The following CDKAL1 variants were observed in gnomAD, a reference collection of about 807,000 sequenced individuals.
The protein encoded by CDKAL1 is threonylcarbamoyladenosine tRNA methylthiotransferase.
CDKAL1 carries 32 observed loss-of-function variants against 68.2 expected under a neutral mutation model. That is an observed-to-expected ratio of 0.47 (90% CI 0.35 to 0.63). The LOEUF is 0.63. Ranked by LOEUF, CDKAL1 falls within the 30% of genes least tolerant of loss-of-function variation. The pLI, the probability that CDKAL1 is intolerant of heterozygous loss-of-function variation, is 0.00. For synonymous variants in CDKAL1, 234 were observed against 244.3 expected (o/e 0.96, Z 0.39); for missense variants, 606 against 696.7 (o/e 0.87, Z 1.47).
At chr6:20,849,411 G>A (rs1165690487) in intron 9 of CDKAL1, among the ~76,000 whole-genome samples, 7 of 151,818 alleles carry the variant, frequency 4.6e-5, no homozygotes, top group Non-Finnish European at 8.8e-5. Context: ...GTAAAACCCC[G>A]TCTCTACTAA....
chr6:21,217,993 A>G (rs1779404328), intron 15 of CDKAL1, among the ~76,000 whole-genome samples: 1 of 152,218 alleles, frequency 6.6e-6, no homozygotes, highest in African/African-American at 2.4e-5. Flanking sequence ...GCAGCTTGTT[A>G]ACCTCTCTGG....
intron 9 of CDKAL1, among the ~76,000 whole-genome samples, chr6:20,903,111 A>T (rs771576040): frequency 6.6e-5 from 10 of 152,134 alleles, no homozygotes; most frequent in Non-Finnish European, 1.3e-4. Flanking sequence ...TATTCACCAA[A>T]AATTGATGCC....
At position 20,980,242 on chromosome 6, in the gene CDKAL1, T is replaced by C. The variant is rs144226946; in HGVS notation, c.910-19985T>C. Among the ~76,000 whole-genome samples the C allele has an allele frequency of 4.0e-3, 604 of 152,124 alleles. 7 individuals are homozygous for C. Among genetic ancestry groups the C allele is most frequent in the African/African-American group, 0.013 (553 of 41,490 alleles). The stretch of plus-strand genomic sequence containing the variant: ...ATAGATATAGATATAGATATATAGA[T>C]ATAGATTTTTTTTGAGACGCAGTCT... On this transcript the variant is annotated intron_variant, in intron 10 of 15. Coordinates refer to ENST00000274695, the MANE Select transcript of CDKAL1 (RefSeq NM_017774.3).
chr6:20,871,372 A>G (rs1417276455), intron 9 of CDKAL1, among the ~76,000 whole-genome samples: 1 of 152,200 alleles, frequency 6.6e-6, no homozygotes, highest in Non-Finnish European at 1.5e-5. Flanking sequence ...ATAATTTCTC[A>G]TGGGTGAAAT....
At chr6:20,757,874 C>CT (rs1774291480) in intron 6 of CDKAL1, among the ~76,000 whole-genome samples, 2 of 151,884 alleles carry the variant, frequency 1.3e-5, no homozygotes, top group East Asian at 1.9e-4. Flanking sequence ...TATTACTTTG[C>CT]TTTTTTTCAT....
intron 4 of CDKAL1, among the ~76,000 whole-genome samples, chr6:20,641,904 C>T (rs1274405507): frequency 6.6e-6 from 1 of 152,108 alleles, no homozygotes; most frequent in Non-Finnish European, 1.5e-5. Flanking sequence ...GAAATTCTGA[C>T]GTGCATATAT....
intron 4 of CDKAL1, among the ~76,000 whole-genome samples, chr6:20,562,157 CT>C (rs981680632): frequency 2.6e-5 from 4 of 152,046 alleles, no homozygotes; most frequent in African/African-American, 9.7e-5. Flanking sequence ...GAGAGATTAT[CT>C]TGGAGTATTA....
chr6:20,994,800 G>T (rs929297158), intron 10 of CDKAL1, among the ~76,000 whole-genome samples: 1 of 152,174 alleles, frequency 6.6e-6, no homozygotes, highest in African/African-American at 2.4e-5. Flanking sequence ...TAAAAAATGA[G>T]CCTTCAGCGA....
At chr6:21,081,572 C>CTTTTTT (rs201718303) in intron 12 of CDKAL1, among the ~76,000 whole-genome samples, 1 of 137,468 alleles carries the variant, frequency 7.3e-6, no homozygotes, top group Non-Finnish European at 1.6e-5. Context: ...AATGATATAT[C>CTTTTTT]TTTTTTTTTT....
At chr6:20,612,302 A>G (rs535939502) in intron 4 of CDKAL1, among the ~76,000 whole-genome samples, 18 of 152,110 alleles carry the variant, frequency 1.2e-4, no homozygotes, top group African/African-American at 4.3e-4. Flanking sequence ...TGGTAGTTCT[A>G]TTTGTAGTTT....
intron 9 of CDKAL1, among the ~76,000 whole-genome samples, chr6:20,867,904 G>A (rs1759992863): frequency 6.6e-6 from 1 of 152,132 alleles, no homozygotes; most frequent in African/African-American, 2.4e-5. Flanking sequence ...TAATGTAGAG[G>A]TTAGGAAATG....
intron 15 of CDKAL1, among the ~76,000 whole-genome samples, chr6:21,210,213 G>C (rs1470849937): frequency 6.6e-6 from 1 of 152,208 alleles, no homozygotes; most frequent in African/African-American, 2.4e-5. Flanking sequence ...TGCCCTCAAG[G>C]AGATAAAGTC....
chr6:20,698,942 A>G (rs2127812954), intron 5 of CDKAL1, among the ~76,000 whole-genome samples: 2 of 152,326 alleles, frequency 1.3e-5, no homozygotes, highest in Middle Eastern at 3.4e-3. Context: ...AATCAGACCA[A>G]TGAAAAGGTC....
intron 7 of CDKAL1, among the ~76,000 whole-genome samples, chr6:20,780,353 A>T (rs1326273763): frequency 6.6e-6 from 1 of 151,736 alleles, no homozygotes; most frequent in East Asian, 1.9e-4. Flanking sequence ...TTGTTTGTTT[A>T]AAAAAAATCC....
rs547781641 is a variant in CDKAL1 at position 21,163,551 on chromosome 6, A to G, written c.1300-34470A>G. Among the ~76,000 whole-genome samples the G allele has an allele frequency of 2.6e-5, 4 of 152,252 alleles. No individual in the cohort carries two copies. The East Asian group carries it at 7.7e-4, about 29-fold the overall frequency. On this transcript the variant is annotated intron_variant, in intron 13 of 15. Transcript: ENST00000274695. ...CAAAAGTTCTTTAACCAATCATCCA[A>G]AATCCTTACTGTGGAGGCCTCTAAA...
chr6:20,723,535 C>T (rs138353251), intron 5 of CDKAL1: 171 of 164,228 alleles, frequency 1.0e-3, no homozygotes, highest in African/African-American at 3.9e-3. Flanking sequence ...GCTGGGAGTC[C>T]GGCAAAGGGG....
At chr6:20,901,980 T>A (rs1484965491) in intron 9 of CDKAL1, among the ~76,000 whole-genome samples, 3 of 152,082 alleles carry the variant, frequency 2.0e-5, no homozygotes, top group Non-Finnish European at 4.4e-5. Context: ...TTCGCCATGT[T>A]GGCCAGGATG....
At chr6:21,056,425 T>C (rs1338243966) in intron 11 of CDKAL1, among the ~76,000 whole-genome samples, 2 of 152,176 alleles carry the variant, frequency 1.3e-5, no homozygotes, top group Non-Finnish European at 2.9e-5. Context: ...GTTTTTGTGC[T>C]GAGACGATGG....
intron 8 of CDKAL1, among the ~76,000 whole-genome samples, chr6:20,801,296 G>A (rs545474003): frequency 2.0e-5 from 3 of 152,188 alleles, no homozygotes; most frequent in Middle Eastern, 3.4e-3. Flanking sequence ...GCTTGCTAAC[G>A]AGGCTCTGCA....
Sources: allele counts gnomAD v4.1 joint callset (sites outside exome capture counted in the v4.1 genomes callset), GRCh38; gene constraint gnomAD v4.1.1; transcripts MANE v1.5; gene names NCBI Gene and HGNC (gene_info 2026-07-23, HGNC 2026-07-21).